Variants in KANSL1 observed in about 807,000 individuals in gnomAD.
KANSL1 encodes KAT8 regulatory NSL complex subunit 1.
Under a neutral mutation model 103.6 loss-of-function variants are expected in KANSL1, and 22 were observed. That is an observed-to-expected ratio of 0.21 (90% confidence interval 0.15 to 0.30). KANSL1 has a LOEUF of 0.30. Ranked by LOEUF, KANSL1 falls within the 10% of genes least tolerant of loss-of-function variation. The pLI is 1.00. For missense variants in KANSL1, 1,337 were observed against 1,399.8 expected (o/e 0.96, Z 0.72); for synonymous variants, 600 against 527.6 (o/e 1.14, Z -1.88).
chr17:46,141,771 C>T (rs1340026596), intron 2 of KANSL1, among the ~76,000 whole-genome samples: 1 of 152,124 alleles, frequency 6.6e-6, no homozygotes, highest in Non-Finnish European at 1.5e-5. Flanking sequence ...GAAAGTAATA[C>T]AAAATTAAGT....
intron 1 of KANSL1, among the ~76,000 whole-genome samples, chr17:46,205,536 T>C (rs1484713497): frequency 6.6e-6 from 1 of 151,768 alleles, no homozygotes; most frequent in Non-Finnish European, 1.5e-5. Context: ...TAAAAATTAG[T>C]TGGGTGTGGT....
In KANSL1 at chr17:46,158,755, G is replaced by C. The variant is rs112469403; in HGVS notation, c.1289+12100C>G. 5.0e-3 allele frequency among the ~76,000 whole-genome samples: 763 copies of C among 152,152 alleles called. 16 individuals carry two copies. Among genetic ancestry groups the C allele is most frequent in the African/African-American group, 0.018 (737 of 41,480 alleles). ...GAGGTTTCACCATGTTGGCAAGGCT[G>C]GTCTCAAACTCCTGACCTCAAGCGA... On this transcript the variant is annotated intron_variant, in intron 2 of 14. Transcript: ENST00000432791.
At chr17:46,137,644 G>A (rs899409700) in intron 2 of KANSL1, among the ~76,000 whole-genome samples, 1 of 152,198 alleles carries the variant, frequency 6.6e-6, no homozygotes, top group Non-Finnish European at 1.5e-5. Flanking sequence ...GGGAGGCCAA[G>A]GCAGGCTGAT....
At chr17:46,189,775 C>T (rs1161214683) in intron 1 of KANSL1, among the ~76,000 whole-genome samples, 1 of 152,122 alleles carries the variant, frequency 6.6e-6, no homozygotes, top group Non-Finnish European at 1.5e-5. Context: ...GTCCCAATGG[C>T]ACATGCCTGT....
At chr17:46,064,066 A>AC (rs899990233) in intron 6 of KANSL1, among the ~76,000 whole-genome samples, 2 of 129,368 alleles carry the variant, frequency 1.5e-5, no homozygotes, top group African/African-American at 5.0e-5. Context: ...AAAAAAAAAA[A>AC]AAAAACAAAA....
Position 46,170,909 on chromosome 17 carries a change from T to C in KANSL1, c.1235A>G (p.Asp412Gly), listed in dbSNP as rs1185696738. Residue 412 changes from aspartate to glycine, a missense_variant, in exon 2 of 15, where the codon GAT becomes GGT. By Grantham distance (94) the Asp-to-Gly change is moderately conservative. This residue lies in a region of KANSL1 where 780 missense variants were observed against 923.4 expected (regional missense o/e 0.84). Transcript: ENST00000432791. ...VTDSSSGGES[D>G]IEEEELTRAD... ...TCTGGTCAGTTCTTCCTCTTCAATATCAGACTCCCCTCCTGAACTACTGTC... is the reference window on the plus strand; with the variant it reads ...TCTGGTCAGTTCTTCCTCTTCAATACCAGACTCCCCTCCTGAACTACTGTC... 6.2e-7 allele frequency: 1 copy of C among 1,614,078 alleles called. No homozygotes were observed.
intron 1 of KANSL1, among the ~76,000 whole-genome samples, chr17:46,178,131 C>A (rs1490009632): frequency 2.6e-5 from 4 of 152,158 alleles, no homozygotes; most frequent in African/African-American, 9.7e-5. Flanking sequence ...TCCTATCCCA[C>A]TTGACCCCTA....
chr17:46,160,153 T>C (rs1344226209), intron 2 of KANSL1, among the ~76,000 whole-genome samples: 1 of 152,230 alleles, frequency 6.6e-6, no homozygotes, highest in Non-Finnish European at 1.5e-5. Flanking sequence ...ATATGGAAGA[T>C]TTAAAGACAA....
chr17:46,095,455 G>A (rs2042020389), intron 2 of KANSL1, among the ~76,000 whole-genome samples: 1 of 152,172 alleles, frequency 6.6e-6, no homozygotes, highest in South Asian at 2.1e-4. Context: ...CGTAGAACTA[G>A]ATACATAAAA....
At chr17:46,199,827 C>T (rs1012923570) in intron 1 of KANSL1, among the ~76,000 whole-genome samples, 1 of 152,224 alleles carries the variant, frequency 6.6e-6, no homozygotes, top group African/African-American at 2.4e-5. Context: ...ATTCAGAAGA[C>T]AACATTAAAG....
intron 7 of KANSL1, among the ~76,000 whole-genome samples, chr17:46,049,240 C>T (rs1017718757): frequency 5.5e-4 from 42 of 75,806 alleles, no homozygotes; most frequent in African/African-American, 1.6e-3. Context: ...CATCCAAGAC[C>T]TTTTTTTTTT....
chr17:46,162,067 C>T (rs1395352356), intron 2 of KANSL1, among the ~76,000 whole-genome samples: 1 of 152,246 alleles, frequency 6.6e-6, no homozygotes, highest in Non-Finnish European at 1.5e-5. Context: ...AGAATCAAAA[C>T]TGGTAAGATT....
intron 2 of KANSL1, among the ~76,000 whole-genome samples, chr17:46,100,444 C>CCCA (rs1555763353): frequency 1.5e-4 from 13 of 88,258 alleles, no homozygotes; most frequent in African/African-American, 5.5e-4. Context: ...TCCCTCTCCC[C>CCCA]AAAAAAAAAA....
intron 6 of KANSL1, among the ~76,000 whole-genome samples, chr17:46,054,209 C>T (rs912876805): frequency 2.0e-5 from 3 of 152,198 alleles, no homozygotes; most frequent in Non-Finnish European, 2.9e-5. Context: ...TGCACCACCA[C>T]GCCCAGCTAA....
chr17:46,144,425 ATCAAC>A (rs1793521051), intron 2 of KANSL1, among the ~76,000 whole-genome samples: 1 of 152,258 alleles, frequency 6.6e-6, no homozygotes, highest in African/African-American at 2.4e-5. Context: ...AGAAAGTTGA[ATCAAC>A]TCTGCCAATT....
At chr17:46,094,412 A>G in intron 3 of KANSL1, 148 bp downstream of exon 3, 1 of 1,012,316 alleles carries the variant, frequency 9.9e-7, no homozygotes, top group Non-Finnish European at 1.4e-6. Context: ...AGGTTCTTAA[A>G]TTAAACCACT....
intron 7 of KANSL1, chr17:46,041,983 C>T (rs1284432155): frequency 6.6e-6 from 1 of 151,586 alleles, no homozygotes; most frequent in Non-Finnish European, 1.5e-5. Flanking sequence ...TCTCGGCTCA[C>T]TGCAAGCTCC....
intron 2 of KANSL1, among the ~76,000 whole-genome samples, chr17:46,136,972 A>C (rs932113853): frequency 6.6e-6 from 1 of 152,268 alleles, no homozygotes; most frequent in Non-Finnish European, 1.5e-5. Flanking sequence ...CCTCAAAAAA[A>C]TTGTAATTCC....
intron 4 of KANSL1, among the ~76,000 whole-genome samples, chr17:46,079,984 GGAAA>G (rs948582830): frequency 1.6e-4 from 23 of 148,102 alleles, no homozygotes; most frequent in Non-Finnish European, 2.8e-4. Context: ...CTAAAAAGAT[GGAAA>G]GAAAGAGAGA....
Sources: allele counts gnomAD v4.1 joint callset (sites outside exome capture counted in the v4.1 genomes callset), GRCh38; gene constraint gnomAD v4.1.1; regional missense constraint gnomAD v4.1.1; transcripts MANE v1.5; gene names NCBI Gene and HGNC (gene_info 2026-07-23, HGNC 2026-07-21).